Variants in GUCY1A2 observed in about 807,000 individuals in gnomAD.
The protein encoded by GUCY1A2 is guanylate cyclase soluble subunit alpha-2.
A neutral mutation model predicts 63.5 loss-of-function variants in GUCY1A2; 27 were observed. The ratio of observed to expected loss-of-function variants is 0.43; its 90% confidence interval spans 0.31 to 0.59. GUCY1A2 has a LOEUF of 0.59. Among genes scored for constraint, GUCY1A2 ranks in the 20% least tolerant of loss-of-function variants. The pLI is 0.11. For missense variants in GUCY1A2, 768 were observed against 913.3 expected, an observed-to-expected ratio of 0.84 and a Z score of 2.05; for synonymous variants, 364 against 343.5, an observed-to-expected ratio of 1.06 and a Z score of -0.66.
At chr11:106,891,213 A>C (rs1003935589) in intron 4 of GUCY1A2, among the ~76,000 whole-genome samples, 2 of 152,130 alleles carry the variant, frequency 1.3e-5, no homozygotes, top group African/African-American at 4.8e-5. Flanking sequence ...TTTTTTGATA[A>C]TGATAATGTA....
chr11:106,996,522 T>A (rs997786991), intron 1 of GUCY1A2, among the ~76,000 whole-genome samples: 1 of 152,196 alleles, frequency 6.6e-6, no homozygotes, highest in Non-Finnish European at 1.5e-5. Flanking sequence ...CTTCTAATTA[T>A]GACTTGGTTC....
chr11:106,856,755 T>C (rs1859442083), intron 4 of GUCY1A2, among the ~76,000 whole-genome samples: 1 of 152,186 alleles, frequency 6.6e-6, no homozygotes, highest in Non-Finnish European at 1.5e-5. Flanking sequence ...TGAGTACCCG[T>C]GGTGATGTGT....
At chr11:106,819,069 T>G (rs1189677599) in intron 4 of GUCY1A2, among the ~76,000 whole-genome samples, 3 of 152,168 alleles carry the variant, frequency 2.0e-5, no homozygotes, top group Non-Finnish European at 4.4e-5. Context: ...AGGGTATCAC[T>G]GCAGATATAG....
intron 6 of GUCY1A2, among the ~76,000 whole-genome samples, chr11:106,767,607 C>T (rs1591268006): frequency 6.6e-6 from 1 of 152,104 alleles, no homozygotes; most frequent in East Asian, 1.9e-4. Context: ...CTAAAATAAA[C>T]TAGCAGTGGA....
At chr11:106,728,029 C>T (rs954682340) in intron 6 of GUCY1A2, among the ~76,000 whole-genome samples, 1 of 152,206 alleles carries the variant, frequency 6.6e-6, no homozygotes, top group Non-Finnish European at 1.5e-5. Flanking sequence ...AGTCATAATG[C>T]CTAATGGCCT....
chr11:107,008,509 A>T (rs1266649783), intron 1 of GUCY1A2, among the ~76,000 whole-genome samples: 6 of 152,216 alleles, frequency 3.9e-5, no homozygotes, highest in African/African-American at 9.6e-5. Flanking sequence ...CAAAATCATT[A>T]TAGCCAAAAG....
chr11:106,983,068 T>C (rs1861358382), intron 2 of GUCY1A2, among the ~76,000 whole-genome samples: 1 of 152,184 alleles, frequency 6.6e-6, no homozygotes, highest in African/African-American at 2.4e-5. Flanking sequence ...CTGATGCACA[T>C]TAACATTTGA....
At chr11:106,847,589 A>G (rs1158779534) in intron 4 of GUCY1A2, among the ~76,000 whole-genome samples, 1 of 151,554 alleles carries the variant, frequency 6.6e-6, no homozygotes, top group Non-Finnish European at 1.5e-5. Context: ...GAGCCCCATT[A>G]GTGGAAGCTT....
chr11:106,946,989 C>T (rs1195679003), intron 3 of GUCY1A2, among the ~76,000 whole-genome samples: 1 of 151,884 alleles, frequency 6.6e-6, no homozygotes, highest in African/African-American at 2.4e-5. Context: ...GAGGCCGAGG[C>T]GGGTGGATAA....
chr11:106,810,679 C>G (rs749978970), intron 4 of GUCY1A2, among the ~76,000 whole-genome samples: 5 of 152,076 alleles, frequency 3.3e-5, no homozygotes, highest in Non-Finnish European at 7.4e-5. Flanking sequence ...TTATATCTCA[C>G]TCAGCTACTT....
At position 106,703,729 on chromosome 11, in the gene GUCY1A2, GTAAT is replaced by G. The variant is rs557510490; in HGVS notation, c.1991+4779_1991+4782del. On this transcript the variant is annotated intron_variant, in intron 7 of 7. Coordinates refer to ENST00000526355, the MANE Select transcript of GUCY1A2 (RefSeq NM_000855.3). ...TTTGTGTTGTTGAAGCCAACAGTAA[GTAAT>G]TAATCTAATTAGTAAGCAATCACAT... Among the ~76,000 whole-genome samples, 107 of 152,044 alleles carry G rather than the reference GTAAT, an allele frequency of 7.0e-4. 1 individual carries two copies. Among genetic ancestry groups the G allele is most frequent in the African/African-American group, 1.4e-3 (57 of 41,484 alleles).
At chr11:106,940,286 G>T (rs1409091755) in intron 3 of GUCY1A2, 108 bp from the exon 4 acceptor site, 2 of 593,298 alleles carry the variant, frequency 3.4e-6, no homozygotes, top group Admixed American at 3.0e-5. Flanking sequence ...AGTAACAAAG[G>T]TTATTTCTCT....
intron 6 of GUCY1A2, among the ~76,000 whole-genome samples, chr11:106,721,108 G>A (rs1406784676): frequency 6.7e-6 from 1 of 149,154 alleles, no homozygotes; most frequent in East Asian, 1.9e-4. Context: ...ACCCAGGCTG[G>A]AGTGCAGTGG....
chr11:106,784,422 T>C (rs1198019544), intron 5 of GUCY1A2, among the ~76,000 whole-genome samples: 1 of 151,686 alleles, frequency 6.6e-6, no homozygotes, highest in African/African-American at 2.4e-5. Context: ...AGCCTGAAAA[T>C]TGCCATACCT....
chr11:106,773,496 G>A (rs1240302435), intron 6 of GUCY1A2, among the ~76,000 whole-genome samples: 1 of 152,142 alleles, frequency 6.6e-6, no homozygotes, highest in African/African-American at 2.4e-5. Flanking sequence ...TGTGACTTTT[G>A]CTACACGTGC....
Position 106,810,013 on chromosome 11 carries a change from C to T in GUCY1A2, c.1672G>A (p.Gly558Arg). ...CTTACCTTATAAATATCCAAAAATC[C>T]ACACTGGTGGTCAAATCTGGTGTAC... ...ELYTRFDHQCGFLDIYKVETI... is the reference protein window; with the variant it reads ...ELYTRFDHQCRFLDIYKVETI... Residue 558 changes from glycine (G) to arginine (R), a missense_variant, in exon 5 of 8, where the codon GGA (glycine) becomes AGA (arginine). Physicochemically the swap from Gly to Arg is moderately radical, Grantham distance 125. This residue lies in a region of GUCY1A2 where 122 missense variants were observed against 238.1 expected (regional missense o/e 0.51). Coordinates refer to ENST00000526355, the MANE Select transcript of GUCY1A2 (RefSeq NM_000855.3). 1 of 1,601,092 alleles carries T rather than the reference C, an allele frequency of 6.2e-7. No individual in the cohort carries two copies. The highest frequency in any genetic ancestry group is 8.6e-7 in the Non-Finnish European group (1 of 1,169,210).
At chr11:106,798,556 C>T (rs1464212419) in intron 5 of GUCY1A2, among the ~76,000 whole-genome samples, 1 of 152,190 alleles carries the variant, frequency 6.6e-6, no homozygotes, top group Non-Finnish European at 1.5e-5. Context: ...CATCAAAAAG[C>T]TTATCCACCA....
intron 1 of GUCY1A2, among the ~76,000 whole-genome samples, chr11:107,011,151 G>A (rs1490503819): frequency 5.9e-5 from 9 of 152,204 alleles, no homozygotes; most frequent in Admixed American, 5.9e-4. Flanking sequence ...CAAAGGGCCT[G>A]TGAAGAAAGC....
chr11:106,947,418 T>C (rs1408765960), intron 3 of GUCY1A2, among the ~76,000 whole-genome samples: 1 of 151,944 alleles, frequency 6.6e-6, no homozygotes, highest in African/African-American at 2.4e-5. Context: ...CTTTAATGTG[T>C]CCTTTTGAGA....
Sources: gnomAD v4.1 joint callset for allele counts (sites outside exome capture counted in the v4.1 genomes callset) on GRCh38, gnomAD v4.1.1 for gene constraint, gnomAD v4.1.1 regional missense constraint, MANE v1.5 for transcripts, NCBI Gene and HGNC (gene_info 2026-07-23, HGNC 2026-07-21) for gene names.